Variants in DEPDC1B observed in about 807,000 individuals in gnomAD.
The protein encoded by DEPDC1B is DEP domain containing 1B, also known as DEP domain-containing protein 1B.
DEPDC1B carries 51 observed loss-of-function variants against 66.5 expected under a neutral mutation model. That is an observed-to-expected ratio of 0.77 (90% confidence interval 0.61 to 0.97). The LOEUF is 0.97. Among genes scored for constraint, DEPDC1B ranks in the 50% least tolerant of loss-of-function variants. The pLI, the probability that DEPDC1B is intolerant of heterozygous loss-of-function variation, is 0.00. For synonymous variants in DEPDC1B, 226 were observed against 223.6 expected, an observed-to-expected ratio of 1.01 and a Z score of -0.10; for missense variants, 552 against 637.1, an observed-to-expected ratio of 0.87 and a Z score of 1.44.
Position 60,685,796 on chromosome 5 carries a change from G to A in DEPDC1B, c.314+1166C>T, listed in dbSNP as rs189838526. On this transcript the variant is annotated intron_variant, in intron 2 of 10. Coordinates refer to ENST00000265036, the MANE Select transcript of DEPDC1B (RefSeq NM_018369.3). ...AATAAAGTATGGCATGTAGAATCAG[G>A]GCTAAAATTTCCACTGCCTGATGCT... Among the ~76,000 whole-genome samples the A allele has an allele frequency of 2.2e-3, 341 of 152,222 alleles. 3 individuals are homozygous for A. Among genetic ancestry groups the A allele is most frequent in the African/African-American group, 7.7e-3 (320 of 41,530 alleles).
At chr5:60,693,019 T>A (rs1405044704) in intron 1 of DEPDC1B, among the ~76,000 whole-genome samples, 1 of 152,176 alleles carries the variant, frequency 6.6e-6, no homozygotes, top group Non-Finnish European at 1.5e-5. Flanking sequence ...AGGAGACTTC[T>A]GCGGTGCTAG....
intron 1 of DEPDC1B, among the ~76,000 whole-genome samples, chr5:60,688,513 G>A (rs1256728006): frequency 6.6e-6 from 1 of 152,194 alleles, no homozygotes; most frequent in African/African-American, 2.4e-5. Flanking sequence ...AAGACCAGAT[G>A]AGATAATGTT....
rs1188678958 is a variant in DEPDC1B, at chr5:60,645,559, G to C, written c.511C>G (p.Leu171Val). The change falls in exon 4 of 11, where the codon CTT (leucine) becomes GTT (valine). Residue 171 changes from leucine to valine, a missense_variant. Transcript: ENST00000265036. ...TCTGTCAGCTGTCTGCGGTGGACAA[G>C]ACGGCAAGCTGGCACCTCTCCAATT... ...IAIGEVPACRLVHRRQLTEAN... is the reference protein window; with the variant it reads ...IAIGEVPACRVVHRRQLTEAN... The C allele has an allele frequency of 4.3e-6, 7 of 1,613,232 alleles. No individual in the cohort carries two copies. Among genetic ancestry groups the C allele is most frequent in the Non-Finnish European group, 5.9e-6 (7 of 1,179,576 alleles).
intron 7 of DEPDC1B, among the ~76,000 whole-genome samples, chr5:60,616,892 G>A (rs1186917740): frequency 1.3e-5 from 2 of 152,162 alleles, no homozygotes; most frequent in Non-Finnish European, 2.9e-5. Context: ...AGAGAGAAAG[G>A]TCAGGTTACC....
intron 7 of DEPDC1B, among the ~76,000 whole-genome samples, chr5:60,634,388 A>C (rs1752992737): frequency 1.3e-5 from 2 of 152,160 alleles, no homozygotes; most frequent in Admixed American, 1.3e-4. Flanking sequence ...ATAAAAACAA[A>C]TAGGCCGGGC....
In DEPDC1B at chr5:60,699,443, G is replaced by GAAAA. The variant is rs528758437; in HGVS notation, c.48+599_48+602dup. Among the ~76,000 whole-genome samples, 43 of 89,362 alleles carry GAAAA rather than the reference G, an allele frequency of 4.8e-4. 6 individuals are homozygous for GAAAA. Among genetic ancestry groups the GAAAA allele is most frequent in the African/African-American group, 1.6e-3 (29 of 18,190 alleles). The allele number at this position is 89,362 out of a possible 152,430, so 58.6% of individuals were successfully genotyped here. On this transcript the variant is annotated intron_variant, in intron 1 of 10. Coordinates refer to ENST00000265036, the MANE Select transcript of DEPDC1B (RefSeq NM_018369.3). ...CCTCAATACCAAAGCTTTTCTCCCA[G>GAAAA]AAAAAAAAAAAAAAAAAAACAGGAA...
At chr5:60,660,988 C>T (rs959736512) in intron 2 of DEPDC1B, among the ~76,000 whole-genome samples, 5 of 152,178 alleles carry the variant, frequency 3.3e-5, no homozygotes, top group Admixed American at 6.5e-5. Context: ...TCTGCTGAAA[C>T]GTGCAAGCTG....
chr5:60,666,437 A>G (rs1166457520), intron 2 of DEPDC1B, among the ~76,000 whole-genome samples: 1 of 152,134 alleles, frequency 6.6e-6, no homozygotes, highest in Non-Finnish European at 1.5e-5. Context: ...TGGGAGCTCT[A>G]AGAACAAAGA....
intron 2 of DEPDC1B, among the ~76,000 whole-genome samples, chr5:60,682,297 T>C (rs983626441): frequency 2.0e-5 from 3 of 152,052 alleles, no homozygotes; most frequent in African/African-American, 2.4e-5. Context: ...TTCTCACTCA[T>C]AGGTGGGAAT....
At chr5:60,606,899 C>T (rs1263527240) in intron 7 of DEPDC1B, among the ~76,000 whole-genome samples, 1 of 152,042 alleles carries the variant, frequency 6.6e-6, no homozygotes, top group African/African-American at 2.4e-5. Flanking sequence ...GTTTATCTGT[C>T]CTATATCCAA....
chr5:60,615,877 C>T (rs1752540501), intron 7 of DEPDC1B, among the ~76,000 whole-genome samples: 1 of 152,230 alleles, frequency 6.6e-6, no homozygotes, highest in African/African-American at 2.4e-5. Flanking sequence ...AGTAGCTTAA[C>T]TGGGAGGCAC....
intron 2 of DEPDC1B, among the ~76,000 whole-genome samples, chr5:60,682,825 G>A (rs1754327053): frequency 6.6e-6 from 1 of 152,046 alleles, no homozygotes; most frequent in South Asian, 2.1e-4. Flanking sequence ...AAAAGTCCAG[G>A]ACTGGACAAC....
chr5:60,645,225 C>T (rs1584059565), intron 4 of DEPDC1B, among the ~76,000 whole-genome samples: 1 of 152,168 alleles, frequency 6.6e-6, no homozygotes, highest in African/African-American at 2.4e-5. Context: ...TAACTTTATA[C>T]ATACAGTACA....
intron 1 of DEPDC1B, among the ~76,000 whole-genome samples, chr5:60,696,215 A>G (rs1485502510): frequency 6.6e-6 from 1 of 152,224 alleles, no homozygotes; most frequent in East Asian, 1.9e-4. Context: ...ACAGGAAAAA[A>G]AAATCCATTA....
intron 2 of DEPDC1B, among the ~76,000 whole-genome samples, chr5:60,685,249 G>A (rs993856647): frequency 1.3e-5 from 2 of 152,108 alleles, no homozygotes; most frequent in Admixed American, 1.3e-4. Flanking sequence ...TCAATTCAAG[G>A]CACGGGCACC....
intron 2 of DEPDC1B, among the ~76,000 whole-genome samples, chr5:60,656,455 A>T (rs1295644635): frequency 6.6e-6 from 1 of 151,956 alleles, no homozygotes; most frequent in African/African-American, 2.4e-5. Flanking sequence ...GCCCCAGTCC[A>T]TTGTTTCTTT....
chr5:60,603,503 A>G lies in DEPDC1B; in HGVS notation c.1130T>C (p.Leu377Ser), dbSNP rs749423865. Residue 377 changes from leucine (L) to serine (S), a missense_variant, in exon 9 of 11, where the codon TTA (leucine) becomes TCA (serine). By Grantham distance (145) the Leu-to-Ser change is moderately radical. Coordinates refer to ENST00000265036, the MANE Select transcript of DEPDC1B (RefSeq NM_018369.3). ...CAGAAACGTTACCAATCTAGCAGCT[A>G]ATAACTCATCCAAGTCCACTTCATC... The part of the protein sequence containing the change: ...SKDEVDLDEL[L>S]AARLVTFLMD... 1.9e-6 allele frequency: 3 copies of G among 1,612,112 alleles called. No homozygotes were observed. Among genetic ancestry groups the G allele is most frequent in the Non-Finnish European group, 2.5e-6 (3 of 1,179,488 alleles).
intron 3 of DEPDC1B, 87 bp downstream of exon 3, chr5:60,647,311 T>A: frequency 6.8e-7 from 1 of 1,472,618 alleles, no homozygotes. Flanking sequence ...TTATTGTTCA[T>A]AAAGGACCAC....
At chr5:60,598,393 CT>C (rs746082432) in intron 10 of DEPDC1B, among the ~76,000 whole-genome samples, 3 of 152,160 alleles carry the variant, frequency 2.0e-5, no homozygotes, top group Non-Finnish European at 2.9e-5. Context: ...CAAAATTACT[CT>C]GAGAATAATA....
Sources: gnomAD v4.1 joint callset for allele counts (sites outside exome capture counted in the v4.1 genomes callset) on GRCh38, gnomAD v4.1.1 for gene constraint, MANE v1.5 for transcripts, NCBI Gene and HGNC (gene_info 2026-07-23, HGNC 2026-07-21) for gene names.